Variants in PTPRD observed in about 807,000 individuals in gnomAD.
PTPRD encodes receptor-type tyrosine-protein phosphatase delta.
Under a neutral mutation model 214.5 loss-of-function variants are expected in PTPRD, and 34 were observed. The ratio of observed to expected loss-of-function variants is 0.16; its 90% confidence interval spans 0.12 to 0.21. PTPRD has a LOEUF of 0.21. Among genes scored for constraint, PTPRD ranks in the 10% least tolerant of loss-of-function variants. PTPRD has a pLI of 1.00. For missense variants in PTPRD, 2,545 were observed against 2,398.7 expected, an observed-to-expected ratio of 1.06 and a Z score of -1.27; for synonymous variants, 1,128 against 845.7, an observed-to-expected ratio of 1.33 and a Z score of -5.79.
At chr9:8,713,727 G>T in intron 12 of PTPRD, 1 of 1,504,950 alleles carries the variant, frequency 6.6e-7, no homozygotes, top group Non-Finnish European at 9.1e-7. Flanking sequence ...AGTGACGCCG[G>T]CAGGCTGTCA....
At chr9:9,852,350 AT>A (rs964972318) in intron 5 of PTPRD, among the ~76,000 whole-genome samples, 20 of 152,238 alleles carry the variant, frequency 1.3e-4, no homozygotes, top group African/African-American at 4.8e-4. Flanking sequence ...GTTAGCTATT[AT>A]TCCCATCAAT....
At chr9:10,319,085 T>C (rs76891239) in intron 3 of PTPRD, among the ~76,000 whole-genome samples, 3,271 of 152,016 alleles carry the variant, frequency 0.022, 134 homozygotes, top group African/African-American at 0.074. Context: ...TATAGAAAAA[T>C]AGAAATAAAT....
chr9:9,391,542 C>T (rs1383973015), intron 9 of PTPRD, among the ~76,000 whole-genome samples: 2 of 152,060 alleles, frequency 1.3e-5, no homozygotes, highest in Non-Finnish European at 2.9e-5. Flanking sequence ...AATCAAGGCA[C>T]TTCTTTGATT....
At chr9:9,959,082 C>A (rs572303705) in intron 4 of PTPRD, among the ~76,000 whole-genome samples, 64 of 152,114 alleles carry the variant, frequency 4.2e-4, no homozygotes, top group African/African-American at 1.5e-3. Flanking sequence ...CATAATTTCC[C>A]AAAACTGGAA....
At chr9:10,571,324 A>G (rs988914696) in intron 2 of PTPRD, among the ~76,000 whole-genome samples, 8 of 152,318 alleles carry the variant, frequency 5.3e-5, no homozygotes, top group South Asian at 4.1e-4. Context: ...TCTGACATTT[A>G]CATTATACCT....
intron 12 of PTPRD, among the ~76,000 whole-genome samples, chr9:8,683,838 A>G (rs187242274): frequency 6.6e-6 from 1 of 152,318 alleles, no homozygotes; most frequent in African/African-American, 2.4e-5. Flanking sequence ...TTCCCCGACC[A>G]GAACCAGGAG....
chr9:10,000,548 A>G (rs10978155), intron 4 of PTPRD, among the ~76,000 whole-genome samples: 35,736 of 152,032 alleles, frequency 0.24, 5,240 homozygotes, highest in Middle Eastern at 0.35. Context: ...ACCCACTAAC[A>G]ACAGTTAGGT....
intron 10 of PTPRD, among the ~76,000 whole-genome samples, chr9:9,029,060 A>T (rs1275213308): frequency 6.6e-6 from 1 of 151,896 alleles, no homozygotes; most frequent in African/African-American, 2.4e-5. Context: ...ATTCAGTATG[A>T]AAAATAATAT....
chr9:9,142,238 C>T (rs1258515978), intron 10 of PTPRD, among the ~76,000 whole-genome samples: 1 of 152,174 alleles, frequency 6.6e-6, no homozygotes, highest in Non-Finnish European at 1.5e-5. Flanking sequence ...GTGCTGGCGC[C>T]ATCTCCAGAG....
intron 5 of PTPRD, among the ~76,000 whole-genome samples, chr9:9,919,928 ATC>A (rs2082077479): frequency 6.6e-6 from 1 of 152,172 alleles, no homozygotes; most frequent in Non-Finnish European, 1.5e-5. Flanking sequence ...TGCAGTAATA[ATC>A]TGTTACATTT....
At chr9:9,008,870 G>A (rs1252161128) in intron 11 of PTPRD, among the ~76,000 whole-genome samples, 1 of 152,184 alleles carries the variant, frequency 6.6e-6, no homozygotes, top group African/African-American at 2.4e-5. Flanking sequence ...AATTAAGGAA[G>A]CATGTCAGGT....
At chr9:10,539,914 C>G (rs775175874) in intron 2 of PTPRD, among the ~76,000 whole-genome samples, 5 of 152,172 alleles carry the variant, frequency 3.3e-5, no homozygotes, top group African/African-American at 4.8e-5. Context: ...CAACAACAAT[C>G]ATTATTATCA....
At chr9:10,411,705 A>G (rs1014079707) in intron 2 of PTPRD, among the ~76,000 whole-genome samples, 11 of 151,940 alleles carry the variant, frequency 7.2e-5, no homozygotes, top group African/African-American at 2.2e-4. Flanking sequence ...ATTAGCTACT[A>G]ATAATTCTTT....
At chr9:9,779,737 C>A (rs763691405) in intron 5 of PTPRD, among the ~76,000 whole-genome samples, 2 of 152,152 alleles carry the variant, frequency 1.3e-5, no homozygotes, top group Admixed American at 6.5e-5. Flanking sequence ...AAAGGGAGCA[C>A]CAACTTATAT....
intron 26 of PTPRD, among the ~76,000 whole-genome samples, chr9:8,494,703 T>C (rs1459131399): frequency 6.6e-6 from 1 of 152,216 alleles, no homozygotes; most frequent in Non-Finnish European, 1.5e-5. Context: ...ACATATCCAT[T>C]ATCTTGCCCA....
At chr9:10,249,780 T>C (rs2092599195) in intron 3 of PTPRD, among the ~76,000 whole-genome samples, 1 of 152,140 alleles carries the variant, frequency 6.6e-6, no homozygotes, top group South Asian at 2.1e-4. Context: ...GTAACAAATA[T>C]CATACAGAGC....
At chr9:9,708,879 A>G (rs2097674872) in intron 7 of PTPRD, among the ~76,000 whole-genome samples, 1 of 152,032 alleles carries the variant, frequency 6.6e-6, no homozygotes, top group Admixed American at 6.6e-5. Context: ...ACAATTTTTA[A>G]AATTATAATT....
chr9:9,810,641 A>G (rs1207305905), intron 5 of PTPRD, among the ~76,000 whole-genome samples: 2 of 152,032 alleles, frequency 1.3e-5, no homozygotes, highest in East Asian at 1.9e-4. Context: ...TTAAAATACT[A>G]TTGCTCATTG....
chr9:9,903,988 G>C (rs2076988812), intron 5 of PTPRD, among the ~76,000 whole-genome samples: 1 of 152,084 alleles, frequency 6.6e-6, no homozygotes, highest in South Asian at 2.1e-4. Flanking sequence ...CAAAGCCCCT[G>C]CTTCACTTTT....
Sources: allele counts gnomAD v4.1 joint callset (sites outside exome capture counted in the v4.1 genomes callset), GRCh38; gene constraint gnomAD v4.1.1; transcripts MANE v1.5; gene names NCBI Gene and HGNC (gene_info 2026-07-23, HGNC 2026-07-21).